PRKN: variants seen among roughly 807,000 people sequenced by gnomAD.
PRKN encodes the protein parkin RBR E3 ubiquitin protein ligase.
Under a neutral mutation model 59.5 loss-of-function variants are expected in PRKN, and 56 were observed. The observed-to-expected ratio is 0.94, with a 90% CI of 0.76 to 1.18. PRKN has a LOEUF of 1.18. Ranked by LOEUF, PRKN falls within the 50% of genes most tolerant of loss-of-function variation. The pLI is 0.00. For synonymous variants in PRKN, 250 were observed against 222.1 expected (o/e 1.13, Z -1.12); for missense variants, 657 against 596.4 (o/e 1.10, Z -1.06).
chr6:161,836,595 G>A (rs951011416), intron 6 of PRKN, among the ~76,000 whole-genome samples: 2 of 152,168 alleles, frequency 1.3e-5, no homozygotes, highest in Non-Finnish European at 2.9e-5. Flanking sequence ...TTTTCTACGT[G>A]TAAACCAGAG....
intron 2 of PRKN, among the ~76,000 whole-genome samples, chr6:162,327,995 G>T (rs1241933445): frequency 6.6e-6 from 1 of 152,118 alleles, no homozygotes; most frequent in African/African-American, 2.4e-5. Flanking sequence ...ATTTACGTGG[G>T]CAGGGCAAGC....
chr6:161,878,193 C>T (rs892485918), intron 6 of PRKN, among the ~76,000 whole-genome samples: 1 of 152,142 alleles, frequency 6.6e-6, no homozygotes, highest in Non-Finnish European at 1.5e-5. Context: ...CGATGAGTTG[C>T]TCCAGTCGGC....
intron 4 of PRKN, among the ~76,000 whole-genome samples, chr6:162,136,787 T>C (rs1781577017): frequency 6.6e-6 from 1 of 152,180 alleles, no homozygotes; most frequent in African/African-American, 2.4e-5. Context: ...AGCGGATCAA[T>C]TCCAAGTAAC....
intron 4 of PRKN, among the ~76,000 whole-genome samples, chr6:162,144,571 G>A (rs1400487310): frequency 6.6e-6 from 1 of 152,190 alleles, no homozygotes; most frequent in East Asian, 1.9e-4. Context: ...TGCAGTAGGT[G>A]CACACGAACT....
At chr6:161,999,730 T>G (rs1468321078) in intron 5 of PRKN, among the ~76,000 whole-genome samples, 1 of 151,992 alleles carries the variant, frequency 6.6e-6, no homozygotes, top group African/African-American at 2.4e-5. Flanking sequence ...CACCAAAACA[T>G]GAATGTGGGA....
chr6:162,191,335 G>C (rs1209227082), intron 4 of PRKN, among the ~76,000 whole-genome samples: 1 of 152,208 alleles, frequency 6.6e-6, no homozygotes, highest in Non-Finnish European at 1.5e-5. Flanking sequence ...TTTTCAACAT[G>C]CTTCGTTACT....
chr6:161,716,068 ATC>A (rs773861524), intron 7 of PRKN: 83 of 855,546 alleles, frequency 9.7e-5, no homozygotes, highest in Non-Finnish European at 1.2e-4. Context: ...TGCTGGGCCC[ATC>A]TTACCGACTC....
intron 6 of PRKN, among the ~76,000 whole-genome samples, chr6:161,947,651 CAAGA>C (rs1232194490): frequency 6.6e-6 from 1 of 152,134 alleles, no homozygotes; most frequent in Non-Finnish European, 1.5e-5. Context: ...AGTTGATTCG[CAAGA>C]AAGAAAGTTC....
intron 1 of PRKN, among the ~76,000 whole-genome samples, chr6:162,691,081 G>A (rs374142861): frequency 1.3e-5 from 2 of 151,918 alleles, no homozygotes; most frequent in Non-Finnish European, 2.9e-5. Context: ...AATTTCACCA[G>A]AATTAAAGTT....
At chr6:162,026,960 T>G (rs146683469) in intron 5 of PRKN, among the ~76,000 whole-genome samples, 1 of 152,308 alleles carries the variant, frequency 6.6e-6, no homozygotes, top group South Asian at 2.1e-4. Flanking sequence ...TTAATCATGA[T>G]AACAAACCTA....
At chr6:162,104,601 T>TAATA (rs1271054751) in intron 4 of PRKN, among the ~76,000 whole-genome samples, 1 of 148,426 alleles carries the variant, frequency 6.7e-6, no homozygotes, top group African/African-American at 2.6e-5. Flanking sequence ...GATTTGTTAT[T>TAATA]AATAAATAAA....
At chr6:162,584,194 C>CA (rs1354928817) in intron 1 of PRKN, among the ~76,000 whole-genome samples, 6 of 132,222 alleles carry the variant, frequency 4.5e-5, no homozygotes, top group Non-Finnish European at 7.7e-5. Context: ...GCCTGGGCGA[C>CA]AGAGTGAGAC....
rs936894588 is a variant in PRKN at position 162,649,865 on chromosome 6, T to C, written c.7+77797A>G. On this transcript the variant is annotated intron_variant, in intron 1 of 11. Coordinates refer to ENST00000366898, the MANE Select transcript of PRKN (RefSeq NM_004562.3). ...TGCACTGAAAACTTTGGTACATGAA[T>C]ATAAGTCTTTCTCTACTACTTTATT... 2.0e-5 allele frequency among the ~76,000 whole-genome samples: 3 copies of C among 152,290 alleles called. No individual in the cohort carries two copies. In the South Asian group the frequency reaches 6.2e-4, roughly 32 times the overall value.
intron 4 of PRKN, among the ~76,000 whole-genome samples, chr6:162,061,067 AAAATGATAC>A (rs1212101654): frequency 6.6e-6 from 1 of 152,222 alleles, no homozygotes; most frequent in Non-Finnish European, 1.5e-5. Flanking sequence ...TGTCTGCAAC[AAAATGATAC>A]AAAGAAGGAG....
chr6:162,477,163 T>C (rs1055667521), intron 1 of PRKN, among the ~76,000 whole-genome samples: 5 of 152,186 alleles, frequency 3.3e-5, no homozygotes, highest in African/African-American at 9.7e-5. Flanking sequence ...AGAGAAAATT[T>C]TGGTGTCTAT....
At chr6:161,625,673 C>A (rs1200124037) in intron 7 of PRKN, among the ~76,000 whole-genome samples, 1 of 152,154 alleles carries the variant, frequency 6.6e-6, no homozygotes, top group Admixed American at 6.5e-5. Context: ...TACGTAGAAC[C>A]ACTTCTTAAA....
chr6:162,617,530 C>A (rs1782479139), intron 1 of PRKN, among the ~76,000 whole-genome samples: 2 of 152,122 alleles, frequency 1.3e-5, no homozygotes. Flanking sequence ...CCATGCCTGG[C>A]CATATAATAC....
chr6:162,016,250 T>A (rs761909570), intron 5 of PRKN, among the ~76,000 whole-genome samples: 6 of 152,188 alleles, frequency 3.9e-5, no homozygotes, highest in Non-Finnish European at 8.8e-5. Context: ...ATCACATACA[T>A]GAATTTAATT....
At chr6:162,071,395 C>G (rs184913649) in intron 4 of PRKN, among the ~76,000 whole-genome samples, 1 of 151,722 alleles carries the variant, frequency 6.6e-6, no homozygotes, top group Non-Finnish European at 1.5e-5. Flanking sequence ...TTATTAAAGG[C>G]CTTTAGATAA....
Sources: allele counts gnomAD v4.1 joint callset (sites outside exome capture counted in the v4.1 genomes callset), GRCh38; gene constraint gnomAD v4.1.1; transcripts MANE v1.5; gene names NCBI Gene and HGNC (gene_info 2026-07-23, HGNC 2026-07-21).